CAB39L: variants seen among roughly 807,000 people sequenced by gnomAD.
CAB39L encodes calcium binding protein 39 like.
In CAB39L, 23 loss-of-function variants were observed where a neutral mutation model predicts 39.1. That is an observed-to-expected ratio of 0.59 (90% CI 0.42 to 0.83). The LOEUF (loss-of-function observed/expected upper bound fraction) is 0.83. CAB39L is among the 40% of genes least tolerant of loss of function. The pLI is 0.00. For missense variants in CAB39L, 366 were observed against 391.9 expected, an observed-to-expected ratio of 0.93 and a Z score of 0.56; for synonymous variants, 126 against 137.2, an observed-to-expected ratio of 0.92 and a Z score of 0.57.
chr13:49,411,173 C>A (rs1202074559), intron 3 of CAB39L, among the ~76,000 whole-genome samples: 1 of 152,050 alleles, frequency 6.6e-6, no homozygotes, highest in Non-Finnish European at 1.5e-5. Context: ...CTTTGGGAGG[C>A]TGAGGCTGGT....
Position 49,382,927 on chromosome 13 carries a change from T to G in CAB39L, c.-17A>C, listed in dbSNP as rs1161877670. On this transcript the variant is annotated 5_prime_UTR_variant, in exon 4 of 11. Coordinates refer to ENST00000409308, the MANE Select transcript of CAB39L (RefSeq NM_001079670.3). The stretch of plus-strand genomic sequence containing the variant: ...TTTTTTCATGTGTAGAAATCTCTTC[T>G]TCCAATATGGAATGCTAAAAACAAA... The G allele has an allele frequency of 6.9e-7, 1 of 1,444,020 alleles. No individual in the cohort carries two copies. The highest frequency in any genetic ancestry group is 1.4e-5 in the African/African-American group (1 of 70,948). The allele number at this position is 1,444,020 out of a possible 1,614,324, so 89.5% of individuals were successfully genotyped here. A position where few individuals can be genotyped will look rare whatever the true frequency, so the allele number is the denominator to read the frequency against.
At chr13:49,376,370 A>G (rs1329578309) in intron 5 of CAB39L, among the ~76,000 whole-genome samples, 1 of 152,188 alleles carries the variant, frequency 6.6e-6, no homozygotes, top group Non-Finnish European at 1.5e-5. Flanking sequence ...AGATAATAAA[A>G]TGACTAGACA....
At chr13:49,340,930 T>C (rs569752769) in intron 8 of CAB39L, among the ~76,000 whole-genome samples, 1 of 152,270 alleles carries the variant, frequency 6.6e-6, no homozygotes, top group South Asian at 2.1e-4. Context: ...AGAAGTGATA[T>C]ATGGATGTAA....
intron 5 of CAB39L, among the ~76,000 whole-genome samples, chr13:49,371,365 T>A (rs7998999): frequency 6.6e-6 from 1 of 151,992 alleles, no homozygotes; most frequent in Non-Finnish European, 1.5e-5. Flanking sequence ...AATTTTTGTA[T>A]TTTTAGTACA....
chr13:49,316,681 A>G (rs1435492096), intron 10 of CAB39L, among the ~76,000 whole-genome samples: 1 of 152,230 alleles, frequency 6.6e-6, no homozygotes, highest in East Asian at 1.9e-4. Context: ...AAGCAAATCA[A>G]TCAATGTAAC....
chr13:49,422,687 A>G (rs10219774), intron 3 of CAB39L, among the ~76,000 whole-genome samples: 4,479 of 151,490 alleles, frequency 0.03, 237 homozygotes, highest in African/African-American at 0.1. Flanking sequence ...AGGTTCAGTG[A>G]TCCTCCCACC....
intron 10 of CAB39L, among the ~76,000 whole-genome samples, chr13:49,313,934 A>AG: frequency 6.6e-6 from 1 of 152,232 alleles, no homozygotes; most frequent in East Asian, 1.9e-4. Context: ...AAACTACCCT[A>AG]GGATGTTGAG....
intron 5 of CAB39L, among the ~76,000 whole-genome samples, chr13:49,364,775 AT>A (rs1336380810): frequency 3.3e-5 from 5 of 152,128 alleles, no homozygotes; most frequent in African/African-American, 1.2e-4. Context: ...CTATAAAAAA[AT>A]GGATGAAAGA....
intron 1 of CAB39L, among the ~76,000 whole-genome samples, chr13:49,443,624 A>G (rs886332918): frequency 6.6e-6 from 1 of 152,148 alleles, no homozygotes; most frequent in Admixed American, 6.5e-5. Flanking sequence ...TGATGGTCAG[A>G]ATCTTTGCGA....
intron 7 of CAB39L, among the ~76,000 whole-genome samples, chr13:49,344,714 G>A (rs978107373): frequency 6.6e-6 from 1 of 151,876 alleles, no homozygotes; most frequent in African/African-American, 2.4e-5. Context: ...TAGCAGAGAC[G>A]GGTTTCACCG....
Position 49,382,847 on chromosome 13 carries a change from T to G in CAB39L, c.64A>C (p.Lys22Gln). 3 of 1,612,154 alleles carry G rather than the reference T, an allele frequency of 1.9e-6. No individual in the cohort carries two copies. Among genetic ancestry groups the G allele is most frequent in the Non-Finnish European group, 2.5e-6 (3 of 1,179,208 alleles). ...KNPAEIVKIL[K>Q]DNLAILEKQD... ...TTTTCCAAAATGGCCAAATTGTCTT[T>G]CAGGATTTTCACAATTTCTGCTGGA... The change falls in exon 4 of 11, where the codon AAA becomes CAA. Residue 22 changes from lysine (K) to glutamine (Q), a missense_variant. Physicochemically the swap from Lys to Gln is moderately conservative, Grantham distance 53 (BLOSUM62 1). Transcript: ENST00000409308.
intron 3 of CAB39L, among the ~76,000 whole-genome samples, chr13:49,403,335 C>T (rs192230265): frequency 4.6e-5 from 7 of 151,974 alleles, no homozygotes; most frequent in African/African-American, 1.4e-4. Flanking sequence ...CCGAAAGGAT[C>T]GAATTACTTC....
intron 3 of CAB39L, among the ~76,000 whole-genome samples, chr13:49,390,019 G>T (rs1297476856): frequency 2.0e-5 from 3 of 151,916 alleles, no homozygotes; most frequent in African/African-American, 7.3e-5. Flanking sequence ...GACGGGGTTT[G>T]CCATGTTACC....
At chr13:49,316,828 A>G (rs1441999287) in intron 10 of CAB39L, among the ~76,000 whole-genome samples, 1 of 152,220 alleles carries the variant, frequency 6.6e-6, no homozygotes, top group East Asian at 1.9e-4. Flanking sequence ...TGAGGTCAAT[A>G]CTGGCTTAGG....
chr13:49,331,289 A>G (rs1954686022), intron 10 of CAB39L, among the ~76,000 whole-genome samples: 1 of 151,744 alleles, frequency 6.6e-6, no homozygotes, highest in Non-Finnish European at 1.5e-5. Flanking sequence ...CACGGTGAAA[A>G]TCGCTTTTAC....
intron 1 of CAB39L, among the ~76,000 whole-genome samples, chr13:49,435,491 G>T (rs1957394557): frequency 1.3e-5 from 2 of 152,218 alleles, no homozygotes; most frequent in South Asian, 4.2e-4. Context: ...TTCTTTGTAT[G>T]ACTGAAGGTG....
chr13:49,355,782 T>TAC (rs1343319239), intron 6 of CAB39L, among the ~76,000 whole-genome samples: 1 of 151,748 alleles, frequency 6.6e-6, no homozygotes, highest in South Asian at 2.1e-4. Flanking sequence ...TATATATTTA[T>TAC]ACACACACAC....
intron 6 of CAB39L, among the ~76,000 whole-genome samples, chr13:49,353,936 G>C (rs1257566430): frequency 6.6e-6 from 1 of 152,034 alleles, no homozygotes; most frequent in African/African-American, 2.4e-5. Flanking sequence ...TGAATTTAAT[G>C]AACCTCAAAC....
intron 6 of CAB39L, among the ~76,000 whole-genome samples, chr13:49,357,171 T>C (rs9535205): frequency 0.24 from 36,605 of 152,088 alleles, 4,612 homozygotes; most frequent in Middle Eastern, 0.3. Flanking sequence ...CCTCGAATCT[T>C]CTTAAAGGTA....
Sources: allele counts gnomAD v4.1 joint callset (sites outside exome capture counted in the v4.1 genomes callset), GRCh38; gene constraint gnomAD v4.1.1; transcripts MANE v1.5; gene names NCBI Gene and HGNC (gene_info 2026-07-23, HGNC 2026-07-21).